Variants in CCDC136 observed in about 807,000 individuals in gnomAD.
The protein encoded by CCDC136 is coiled-coil domain containing 136.
A neutral mutation model predicts 141.2 loss-of-function variants in CCDC136; 100 were observed. The observed-to-expected ratio is 0.71, with a 90% CI of 0.60 to 0.84. The LOEUF is 0.84. CCDC136 is among the 40% of genes least tolerant of loss of function. The pLI, the probability that CCDC136 is intolerant of heterozygous loss-of-function variation, is 0.00. For missense variants in CCDC136, 1,206 were observed against 1,379.4 expected, an observed-to-expected ratio of 0.87 and a Z score of 1.99; for synonymous variants, 474 against 531.9, an observed-to-expected ratio of 0.89 and a Z score of 1.50.
upstream of CCDC136, among the ~76,000 whole-genome samples, chr7:128,791,194 G>A (rs1229264417): frequency 6.6e-6 from 1 of 152,180 alleles, no homozygotes; most frequent in Non-Finnish European, 1.5e-5. This position sits in a 1 kb window ranked among gnomAD's most constrained non-coding sequence, Gnocchi z 7.1. Flanking sequence ...GCAGCCATAA[G>A]CCTAGGAGCT....
chr7:128,807,429 C>G lies in CCDC136; in HGVS notation c.1489C>G (p.Arg497Gly). Residue 497 changes from arginine (R) to glycine (G), a missense_variant, in exon 10 of 18, where the codon CGG becomes GGG. Physicochemically the swap from Arg to Gly is moderately radical, Grantham distance 125. Coordinates refer to ENST00000297788, the MANE Select transcript of CCDC136 (RefSeq NM_022742.5). ...LYQASKDELERQKHMYDQLEQ... is the reference protein window; with the variant it reads ...LYQASKDELEGQKHMYDQLEQ... ...CCAGGCCAGCAAGGACGAGCTGGAG[C>G]GGCAGAAGCACATGTATGACCAGCT... 2 of 1,577,370 alleles carry G rather than the reference C, an allele frequency of 1.3e-6. No homozygotes were observed. The highest frequency in any genetic ancestry group is 1.7e-6 in the Non-Finnish European group (2 of 1,162,282).
At chr7:128,810,707 T>A (rs1805585362) in intron 12 of CCDC136, among the ~76,000 whole-genome samples, 1 of 152,222 alleles carries the variant, frequency 6.6e-6, no homozygotes, top group African/African-American at 2.4e-5. Context: ...ATAATATCAG[T>A]TTGGTGTTTG....
intron 14 of CCDC136, among the ~76,000 whole-genome samples, chr7:128,814,115 C>T (rs1353008594): frequency 2.0e-5 from 3 of 150,924 alleles, no homozygotes; most frequent in Admixed American, 2.0e-4. Context: ...GAGACAGAGT[C>T]TTGCTCTGTC....
upstream of CCDC136, chr7:128,791,812 C>T (rs1802206179): frequency 1.0e-5 from 4 of 389,818 alleles, no homozygotes; most frequent in East Asian, 3.8e-5. The surrounding 1 kb of genome is among the most constrained non-coding windows in gnomAD (Gnocchi z 7.1). Flanking sequence ...TGCTTCCAGC[C>T]TTCGGGACTG....
At chr7:128,812,374 A>G in intron 13 of CCDC136, 62 bp downstream of exon 13, 1 of 1,516,364 alleles carries the variant, frequency 6.6e-7, no homozygotes, top group South Asian at 1.3e-5. Context: ...TTTAAGAGAT[A>G]CATCGCCAGG....
rs781104762 is a variant in CCDC136, at chr7:128,812,943, G to T, written c.2763+14G>T. The T allele has an allele frequency of 1.3e-6, 2 of 1,572,692 alleles. No homozygotes were observed. Among genetic ancestry groups the T allele is most frequent in the Non-Finnish European group, 1.7e-6 (2 of 1,153,690 alleles). On this transcript the variant is annotated intron_variant, in intron 14 of 17. Coordinates refer to ENST00000297788, the MANE Select transcript of CCDC136 (RefSeq NM_022742.5). ...GACAAGAATGAGGTAACCACTGTCA[G>T]GGAGGCAGGGTTTCCTCTGGCAGCC...
At chr7:128,791,540 G>A, upstream of CCDC136, 2 of 1,286,994 alleles carry the variant, frequency 1.6e-6, no homozygotes, top group South Asian at 2.7e-5. This position sits in a 1 kb window ranked among gnomAD's most constrained non-coding sequence, Gnocchi z 7.1. Flanking sequence ...GGCTGGAGCT[G>A]CCCGGGCCCA....
chr7:128,807,779 G>A (rs1416051359), intron 10 of CCDC136: 1 of 325,156 alleles, frequency 3.1e-6, no homozygotes, highest in Non-Finnish European at 5.6e-6. Flanking sequence ...ACCCCTGAAA[G>A]TTTTACACAT....
chr7:128,809,226 C>T (rs1001560684), intron 10 of CCDC136: 9 of 466,424 alleles, frequency 1.9e-5, no homozygotes, highest in East Asian at 8.0e-5. Flanking sequence ...AGAGCAAGGC[C>T]AGCCACCAGT....
In CCDC136 at chr7:128,805,970, G is replaced by C. The variant is rs1804778688; in HGVS notation, c.1089+69G>C. ...CCTCATGGAGGGGCTGCTTCAACCG[G>C]GGTGGGCACAGTGAGTATGGCTGTG... On this transcript the variant is annotated intron_variant, in intron 7 of 17. Coordinates refer to ENST00000297788, the MANE Select transcript of CCDC136 (RefSeq NM_022742.5). The surrounding 1 kb of genome is among the most constrained non-coding windows in gnomAD (Gnocchi z 4.6). 5.7e-6 allele frequency: 9 copies of C among 1,575,094 alleles called. 2 individuals are homozygous for C. In the South Asian group the frequency reaches 1.0e-4, roughly 18 times the overall value.
Position 128,810,251 on chromosome 7 carries a change from A to G in CCDC136, c.1913A>G (p.Glu638Gly). 6.2e-7 allele frequency: 1 copy of G among 1,613,762 alleles called. No homozygotes were observed. The highest frequency in any genetic ancestry group is 2.2e-5 in the East Asian group (1 of 44,894). Residue 638 changes from glutamate to glycine, a missense_variant, in exon 12 of 18, where the codon GAA (glutamate) becomes GGA (glycine). Transcript: ENST00000297788. ...CAGAACCAAGACTGTGTATTAAAAG[A>G]ACAATTAGAGATCCACGAAGAGCTG... is the stretch of plus-strand genomic sequence containing the variant. Reference protein sequence around the residue: ...LIQNQDCVLKEQLEIHEELRR... With the variant: ...LIQNQDCVLKGQLEIHEELRR...
At chr7:128,799,778 C>T (rs1803703081) in intron 3 of CCDC136, among the ~76,000 whole-genome samples, 1 of 152,100 alleles carries the variant, frequency 6.6e-6, no homozygotes, top group African/African-American at 2.4e-5. Context: ...ACCCTCCCAA[C>T]CCAATCCTCA....
At position 128,812,097 on chromosome 7, in the gene CCDC136, T is replaced by C. The variant is rs1805822187; in HGVS notation, c.2326T>C (p.Tyr776His). The change falls in exon 13 of 18, where the codon TAC (tyrosine) becomes CAC (histidine). Residue 776 changes from tyrosine to histidine, a missense_variant. Tyr to His is a moderately conservative substitution (Grantham distance 83, BLOSUM62 2). Transcript: ENST00000297788. The part of the protein sequence containing the change: ...VDDNESYYKS[Y>H]TSTQTSSKSF... ...TGACAATGAGAGCTATTACAAGAGT[T>C]ACACCAGCACCCAGACCAGCAGCAA... 8 of 1,613,996 alleles carry C rather than the reference T, an allele frequency of 5.0e-6. No homozygotes were observed. In the East Asian group the frequency reaches 1.8e-4, roughly 36 times the overall value.
At chr7:128,791,479 G>A, upstream of CCDC136, 2 of 1,321,434 alleles carry the variant, frequency 1.5e-6, no homozygotes, top group Non-Finnish European at 1.9e-6. The surrounding 1 kb of genome is among the most constrained non-coding windows in gnomAD (Gnocchi z 7.1). Context: ...GCGGAAGGCG[G>A]CGGCGGGAGC....
In CCDC136 at chr7:128,810,285, CAA is replaced by C. The variant is rs761165590; in HGVS notation, c.1949_1950del (p.Lys650ArgfsTer13). ...LEIHEELRRF[K>X]ESHFQEVLEN... ...AGATCCACGAAGAGCTGCGACGTTT[CAA>C]AGAGTCTCATTTCCAGGAAGTGTTG... On this transcript the variant is annotated frameshift_variant, in exon 12 of 18. Coordinates refer to ENST00000297788, the MANE Select transcript of CCDC136 (RefSeq NM_022742.5). LOFTEE classifies it high-confidence loss of function. 1 of 1,613,988 alleles carries C rather than the reference CAA, an allele frequency of 6.2e-7. No individual in the cohort carries two copies. The highest frequency in any genetic ancestry group is 8.5e-7 in the Non-Finnish European group (1 of 1,179,858).
Position 128,821,588 on chromosome 7 carries a change from C to T in CCDC136, c.*6-211C>T, listed in dbSNP as rs918399211. 2.0e-5 allele frequency among the ~76,000 whole-genome samples: 3 copies of T among 152,190 alleles called. No individual in the cohort carries two copies. Among genetic ancestry groups the T allele is most frequent in the Non-Finnish European group, 2.9e-5 (2 of 68,042 alleles). On this transcript the variant is annotated intron_variant, in intron 17 of 17. Coordinates refer to ENST00000297788, the MANE Select transcript of CCDC136 (RefSeq NM_022742.5). This position sits in a 1 kb window ranked among gnomAD's most constrained non-coding sequence, Gnocchi z 5.1. ...GGAGAAACGGAGGCCTGAATACAGG[C>T]GGTCACCTAAGGTGGTGCGTACAGT... is the stretch of plus-strand genomic sequence containing the variant.
At chr7:128,793,657 G>A (rs1802531079) in intron 1 of CCDC136, among the ~76,000 whole-genome samples, 2 of 152,220 alleles carry the variant, frequency 1.3e-5, no homozygotes, top group Non-Finnish European at 2.9e-5. Flanking sequence ...TGCCCAGGCT[G>A]GAGTGCCAGT....
intron 10 of CCDC136, chr7:128,808,559 T>C: frequency 2.0e-6 from 2 of 985,412 alleles, no homozygotes; most frequent in Non-Finnish European, 2.4e-6. Flanking sequence ...TTGAAGCATG[T>C]TGGAGAAGAG....
At chr7:128,807,723 C>A in intron 10 of CCDC136, 178 bp downstream of exon 10, 1 of 426,606 alleles carries the variant, frequency 2.3e-6, no homozygotes, top group Admixed American at 4.3e-5. Context: ...GACTTTGAGC[C>A]AGAGCCACAG....
Sources: gnomAD v4.1 joint callset for allele counts (sites outside exome capture counted in the v4.1 genomes callset) on GRCh38, gnomAD v4.1.1 for gene constraint, Gnocchi (gnomAD v3.1) non-coding constraint, MANE v1.5 for transcripts, NCBI Gene and HGNC (gene_info 2026-07-23, HGNC 2026-07-21) for gene names.